The following NINL variants were observed in gnomAD, a reference collection of about 807,000 sequenced individuals.
NINL encodes ninein like, also known as ninein-like protein.
Under a neutral mutation model 160.3 loss-of-function variants are expected in NINL, and 153 were observed. The observed-to-expected ratio is 0.95, with a 90% CI of 0.84 to 1.09. The LOEUF (loss-of-function observed/expected upper bound fraction) is 1.09, where lower values mean the gene tolerates loss of function less well. Ranked by LOEUF, NINL falls within the 50% of genes least tolerant of loss-of-function variation. The pLI is 0.00. For missense variants in NINL, 1,829 were observed against 1,764.0 expected (o/e 1.04, Z -0.66); for synonymous variants, 800 against 734.8 (o/e 1.09, Z -1.43).
At chr20:25,489,176 G>T in intron 13 of NINL, 68 bp downstream of exon 13, 1 of 1,428,238 alleles carries the variant, frequency 7.0e-7, no homozygotes, top group Non-Finnish European at 9.9e-7. Context: ...GCGTTACTGT[G>T]GACCACCTGC....
chr20:25,460,798 G>A (rs909452174), intron 21 of NINL, among the ~76,000 whole-genome samples: 9 of 152,174 alleles, frequency 5.9e-5, no homozygotes, highest in Admixed American at 2.0e-4. Context: ...AGGCTCAGCC[G>A]AGCCTCACAG....
In NINL at chr20:25,462,529, T is replaced by C; in HGVS notation, c.3436A>G (p.Lys1146Glu). 1.9e-6 allele frequency: 3 copies of C among 1,606,706 alleles called. No individual in the cohort carries two copies. The highest frequency in any genetic ancestry group is 2.3e-5 in the South Asian group (2 of 88,788). ...ACATTGAGCTGGGATAATTGATCCT[T>C]GTAGTTCTGATTCTGGGGGAAAAAG... ...EVLNRQNQNY[K>E]DQLSQLNVRV... Residue 1146 changes from lysine (K) to glutamate (E), a missense_variant, in exon 20 of 24, where the codon AAG (lysine) becomes GAG (glutamate). Physicochemically the swap from Lys to Glu is moderately conservative, Grantham distance 56. Transcript: ENST00000278886.
In NINL at chr20:25,461,614, T is replaced by C. The variant is rs779501233; in HGVS notation, c.3604A>G (p.Arg1202Gly). The change falls in exon 21 of 24, where the codon AGA becomes GGA. Residue 1202 changes from arginine to glycine, a missense_variant. Arg to Gly is a moderately radical substitution (Grantham distance 125, BLOSUM62 -2). Coordinates refer to ENST00000278886, the MANE Select transcript of NINL (RefSeq NM_025176.6). Reference sequence around the variant, plus strand: ...TGATTCAGGCATTCAAGTTCAACTCTAAGTTTTTGGATTTGGTCACTCTGT... The same window carrying C: ...TGATTCAGGCATTCAAGTTCAACTCCAAGTTTTTGGATTTGGTCACTCTGT... ...QQQSDQIQKL[R>G]VELECLNQEH... 17 of 1,612,898 alleles carry C rather than the reference T, an allele frequency of 1.1e-5. 1 individual carries two copies. The South Asian group carries it at 1.9e-4, about 18-fold the overall frequency.
chr20:25,454,518 G>A (rs1460925053), intron 23 of NINL, among the ~76,000 whole-genome samples: 5 of 152,200 alleles, frequency 3.3e-5, no homozygotes, highest in African/African-American at 1.2e-4. Flanking sequence ...GGGCAAGGAC[G>A]GGTGGCCCCA....
intron 1 of NINL, among the ~76,000 whole-genome samples, chr20:25,537,797 C>G (rs1016763739): frequency 2.6e-5 from 4 of 152,184 alleles, no homozygotes; most frequent in African/African-American, 9.7e-5. Context: ...TGCCTCAGGA[C>G]ACTGTCTCCT....
Position 25,461,525 on chromosome 20 carries a change from G to C in NINL, c.3693C>G (p.Asp1231Glu), listed in dbSNP as rs1389846332. The C allele has an allele frequency of 1.3e-6, 2 of 1,559,436 alleles. No individual in the cohort carries two copies. The highest frequency in any genetic ancestry group is 1.7e-6 in the Non-Finnish European group (2 of 1,156,418). The change falls in exon 21 of 24, where the codon GAC (aspartate) becomes GAG (glutamate). Residue 1231 changes from aspartate to glutamate, a missense_variant. Physicochemically the swap from Asp to Glu is conservative, Grantham distance 45. Coordinates refer to ENST00000278886, the MANE Select transcript of NINL (RefSeq NM_025176.6). ...TCCAGCCATCGCTCACACCCACCTG[G>C]TCTTGACTTTCCTCAAGGGTCTGGG... ...ELTQTLEESQDQVQGAHLRLR... is the reference protein window; with the variant it reads ...ELTQTLEESQEQVQGAHLRLR...
At chr20:25,490,214 C>T (rs1601124185) in intron 11 of NINL, among the ~76,000 whole-genome samples, 1 of 152,244 alleles carries the variant, frequency 6.6e-6, no homozygotes, top group Non-Finnish European at 1.5e-5. Flanking sequence ...ATCGTCTTCA[C>T]TTCTCTTGTC....
intron 20 of NINL, among the ~76,000 whole-genome samples, chr20:25,462,008 A>G (rs2062801044): frequency 6.6e-6 from 1 of 152,162 alleles, no homozygotes; most frequent in Non-Finnish European, 1.5e-5. Flanking sequence ...CTGCTTTGCT[A>G]TTATAAACAG....
At chr20:25,504,222 A>T in intron 6 of NINL, 118 bp from the exon 7 acceptor site, 1 of 1,053,820 alleles carries the variant, frequency 9.5e-7, no homozygotes, top group Non-Finnish European at 1.4e-6. Context: ...GCCGTTTCCT[A>T]GTCTTATCCA....
intron 7 of NINL, among the ~76,000 whole-genome samples, chr20:25,502,081 A>T (rs1317839608): frequency 1.3e-5 from 2 of 152,176 alleles, no homozygotes; most frequent in African/African-American, 4.8e-5. Context: ...TCCTAGGTTC[A>T]AGTGATTCTC....
intron 18 of NINL, among the ~76,000 whole-genome samples, chr20:25,467,900 C>A (rs1431255089): frequency 6.6e-6 from 1 of 152,026 alleles, no homozygotes; most frequent in Non-Finnish European, 1.5e-5. Context: ...TCAAGAAAAC[C>A]AGAGAAAAAA....
At chr20:25,480,399 C>A (rs1336482019) in intron 14 of NINL, 132 bp from the exon 15 acceptor site, 10 of 680,400 alleles carry the variant, frequency 1.5e-5, no homozygotes, top group Non-Finnish European at 2.4e-5. Context: ...GATGACGCTG[C>A]GTCCTTAAAG....
intron 16 of NINL, among the ~76,000 whole-genome samples, chr20:25,478,247 C>T (rs998361987): frequency 1.3e-5 from 2 of 152,146 alleles, no homozygotes; most frequent in African/African-American, 4.8e-5. Flanking sequence ...CGCATCCGGC[C>T]GGAAAGATGA....
At chr20:25,475,893 C>T in intron 17 of NINL, 150 bp downstream of exon 17, 1 of 777,800 alleles carries the variant, frequency 1.3e-6, no homozygotes, top group South Asian at 1.8e-5. Context: ...ACAACCCCTA[C>T]TCAGGCTGAA....
intron 3 of NINL, among the ~76,000 whole-genome samples, chr20:25,515,886 T>C (rs187461600): frequency 6.6e-6 from 1 of 152,296 alleles, no homozygotes; most frequent in East Asian, 1.9e-4. Context: ...TTCTCCTGCC[T>C]CGGCCTCCCA....
At chr20:25,581,768 C>A (rs1262662841) in intron 1 of NINL, among the ~76,000 whole-genome samples, 1 of 152,182 alleles carries the variant, frequency 6.6e-6, no homozygotes, top group Non-Finnish European at 1.5e-5. Flanking sequence ...GGAACTTTGC[C>A]ATTCTTGTTA....
intron 1 of NINL, among the ~76,000 whole-genome samples, chr20:25,561,663 T>C (rs1363529195): frequency 6.9e-6 from 1 of 145,450 alleles, no homozygotes; most frequent in Non-Finnish European, 1.5e-5. Flanking sequence ...GTCTGAGATG[T>C]GGGGAGCGCC....
chr20:25,535,632 T>C (rs975187350), intron 1 of NINL, among the ~76,000 whole-genome samples: 1 of 152,146 alleles, frequency 6.6e-6, no homozygotes, highest in African/African-American at 2.4e-5. Flanking sequence ...CACTTAACAA[T>C]GGTTAAGAGG....
chr20:25,459,541 C>T (rs1426140068), intron 21 of NINL, among the ~76,000 whole-genome samples: 1 of 152,196 alleles, frequency 6.6e-6, no homozygotes, highest in Non-Finnish European at 1.5e-5. Flanking sequence ...CCCGAAGGCT[C>T]GTCTCAAGAC....
Sources: allele counts gnomAD v4.1 joint callset (sites outside exome capture counted in the v4.1 genomes callset), GRCh38; gene constraint gnomAD v4.1.1; transcripts MANE v1.5; gene names NCBI Gene and HGNC (gene_info 2026-07-23, HGNC 2026-07-21).